The following AGPAT4 variants were observed in gnomAD, a reference collection of about 807,000 sequenced individuals.
AGPAT4 encodes 1-acylglycerol-3-phosphate O-acyltransferase 4.
AGPAT4 carries 15 observed loss-of-function variants against 48.0 expected under a neutral mutation model. The ratio of observed to expected loss-of-function variants is 0.31; its 90% CI spans 0.21 to 0.48. The LOEUF is 0.48. AGPAT4 is among the 20% of genes least tolerant of loss of function. The pLI is 0.99. For synonymous variants in AGPAT4, 178 were observed against 198.7 expected (o/e 0.90, Z 0.88); for missense variants, 314 against 482.5 (o/e 0.65, Z 3.27).
At chr6:161,173,704 T>A (rs1429117295) in intron 2 of AGPAT4, among the ~76,000 whole-genome samples, 5 of 152,200 alleles carry the variant, frequency 3.3e-5, no homozygotes, top group Non-Finnish European at 7.3e-5. Flanking sequence ...GGTGTTTTAG[T>A]CATGAAGTCC....
In AGPAT4 at chr6:161,272,944, G is replaced by GT. The variant is rs1255287693; in HGVS notation, c.-90+993dup. Among the ~76,000 whole-genome samples the GT allele has an allele frequency of 6.6e-6, 1 of 152,202 alleles. No homozygotes were observed. The highest frequency in any genetic ancestry group is 2.4e-5 in the African/African-American group (1 of 41,438). ...GGCAGTTAATTTGTTACTCATACTT[G>GT]TTGAACTTAAGATTTGGAGCTAAAT... is the stretch of plus-strand genomic sequence containing the variant. On this transcript the variant is annotated intron_variant, in intron 1 of 8. Transcript: ENST00000320285. The surrounding 1 kb of genome is among the most constrained non-coding windows in gnomAD (Gnocchi z 4.2).
At chr6:161,179,571 T>C (rs1401162844) in intron 2 of AGPAT4, among the ~76,000 whole-genome samples, 1 of 152,186 alleles carries the variant, frequency 6.6e-6, no homozygotes, top group African/African-American at 2.4e-5. Context: ...TCTACTACAT[T>C]TGACCTTTGA....
In AGPAT4 at chr6:161,195,024, T is replaced by A. The variant is rs1781035046; in HGVS notation, c.179-28607A>T. Among the ~76,000 whole-genome samples, 1 of 152,168 alleles carries A rather than the reference T, an allele frequency of 6.6e-6. No individual in the cohort carries two copies. The highest frequency in any genetic ancestry group is 2.4e-5 in the African/African-American group (1 of 41,408). On this transcript the variant is annotated intron_variant, in intron 2 of 8. Transcript: ENST00000320285. The surrounding 1 kb of genome is among the most constrained non-coding windows in gnomAD (Gnocchi z 5.0). Reference sequence around the variant, plus strand: ...CCCGGGAGAAGCTTTGGCCACCACCTTCCAAGTCCTTGCTTAATTTCTCAA... The same window carrying A: ...CCCGGGAGAAGCTTTGGCCACCACCATCCAAGTCCTTGCTTAATTTCTCAA...
chr6:161,226,176 C>A lies in AGPAT4; in HGVS notation c.178+5860G>T, dbSNP rs760167882. Among the ~76,000 whole-genome samples, 2 of 152,164 alleles carry A rather than the reference C, an allele frequency of 1.3e-5. No individual in the cohort carries two copies. The highest frequency in any genetic ancestry group is 6.5e-5 in the Admixed American group (1 of 15,284). The stretch of plus-strand genomic sequence containing the variant: ...GGTCCTGCCCAACTCCACATTTTGA[C>A]AGGCTCAAAGGCAGTGATATGAAGG... On this transcript the variant is annotated intron_variant, in intron 2 of 8. Transcript: ENST00000320285. This position sits in a 1 kb window ranked among gnomAD's most constrained non-coding sequence, Gnocchi z 6.3.
Position 161,165,894 on chromosome 6 carries a change from A to C in AGPAT4, c.348+354T>G. ...AGAAATATGGATGGGAGTGAAATCC[A>C]AATCTAATTACAGCTGTGTGACTCT... On this transcript the variant is annotated intron_variant, in intron 3 of 8. Coordinates refer to ENST00000320285, the MANE Select transcript of AGPAT4 (RefSeq NM_020133.3). The surrounding 1 kb of genome is among the most constrained non-coding windows in gnomAD (Gnocchi z 5.5). 1 of 599,740 alleles carries C rather than the reference A, an allele frequency of 1.7e-6. No homozygotes were observed. The highest frequency in any genetic ancestry group is 3.0e-6 in the Non-Finnish European group (1 of 337,526). The allele number at this position is 599,740 out of a possible 1,614,324, so 37.2% of individuals were successfully genotyped here.
In AGPAT4 at chr6:161,208,788, A is replaced by G. The variant is rs776348996; in HGVS notation, c.178+23248T>C. 2.0e-5 allele frequency among the ~76,000 whole-genome samples: 3 copies of G among 152,224 alleles called. No individual in the cohort carries two copies. Among genetic ancestry groups the G allele is most frequent in the Non-Finnish European group, 4.4e-5 (3 of 68,034 alleles). ...CAAGTATTTACATAAGGCACAATAA[A>G]ATTTGATTTGAAGTCTATCAATTCA... On this transcript the variant is annotated intron_variant, in intron 2 of 8. Transcript: ENST00000320285. The surrounding 1 kb of genome is among the most constrained non-coding windows in gnomAD (Gnocchi z 4.6).
rs1782147977 is a variant in AGPAT4, at chr6:161,232,480, C to T, written c.-89-178G>A. Among the ~76,000 whole-genome samples, 1 of 152,114 alleles carries T rather than the reference C, an allele frequency of 6.6e-6. No individual in the cohort carries two copies. The highest frequency in any genetic ancestry group is 2.1e-4 in the South Asian group (1 of 4,824). ...TACTTCCTGTCGAGCATAGTCTAAG[C>T]CCTTTAACAATAATCCTTCCTTTAA... On this transcript the variant is annotated intron_variant, in intron 1 of 8. Transcript: ENST00000320285. The surrounding 1 kb of genome is among the most constrained non-coding windows in gnomAD (Gnocchi z 6.8).
rs1197178957 is a variant in AGPAT4 at position 161,189,335 on chromosome 6, C to T, written c.179-22918G>A. Among the ~76,000 whole-genome samples, 4 of 152,052 alleles carry T rather than the reference C, an allele frequency of 2.6e-5. No individual in the cohort carries two copies. The highest frequency in any genetic ancestry group is 4.8e-5 in the African/African-American group (2 of 41,410). On this transcript the variant is annotated intron_variant, in intron 2 of 8. Coordinates refer to ENST00000320285, the MANE Select transcript of AGPAT4 (RefSeq NM_020133.3). This position sits in a 1 kb window ranked among gnomAD's most constrained non-coding sequence, Gnocchi z 5.3. Reference sequence around the variant, plus strand: ...AGACCAGCAGGGTGCCCTGAGGTCACAGCTCAGGTGATGGGTGGGGTCCAG... The same window carrying T: ...AGACCAGCAGGGTGCCCTGAGGTCATAGCTCAGGTGATGGGTGGGGTCCAG...
In AGPAT4 at chr6:161,161,376, T is replaced by C. The variant is rs1779930077; in HGVS notation, c.348+4872A>G. ...CGCCTGCTACCTCGGTCGTCACCAT[T>C]ATCGGGTTCCTCATCCATGTGATTC... On this transcript the variant is annotated intron_variant, in intron 3 of 8. Transcript: ENST00000320285. This position sits in a 1 kb window ranked among gnomAD's most constrained non-coding sequence, Gnocchi z 4.6. 2.2e-6 allele frequency: 1 copy of C among 456,588 alleles called. No individual in the cohort carries two copies. The highest frequency in any genetic ancestry group is 4.4e-6 in the Non-Finnish European group (1 of 226,968). The allele number at this position is 456,588 out of a possible 1,614,324, so 28.3% of individuals were successfully genotyped here. A position where few individuals can be genotyped will look rare whatever the true frequency, so the allele number is the denominator to read the frequency against.
At chr6:161,228,362 T>C (rs1183310523) in intron 2 of AGPAT4, among the ~76,000 whole-genome samples, 2 of 152,202 alleles carry the variant, frequency 1.3e-5, no homozygotes, top group African/African-American at 4.8e-5. Flanking sequence ...TGTGTAGCTG[T>C]GCATCCAACA....
At position 161,196,065 on chromosome 6, in the gene AGPAT4, G is replaced by A. The variant is rs143685092; in HGVS notation, c.179-29648C>T. Reference sequence around the variant, plus strand: ...CTTTAGGATTTGCATAACTTAATGAGGCTTAATGACCCACCATCCCAAGAC... The same window carrying A: ...CTTTAGGATTTGCATAACTTAATGAAGCTTAATGACCCACCATCCCAAGAC... On this transcript the variant is annotated intron_variant, in intron 2 of 8. Transcript: ENST00000320285. This position sits in a 1 kb window ranked among gnomAD's most constrained non-coding sequence, Gnocchi z 4.3. Among the ~76,000 whole-genome samples the A allele has an allele frequency of 1.3e-3, 198 of 152,212 alleles. 1 individual carries two copies. In the East Asian group the frequency reaches 0.027, roughly 21 times the overall value.
rs1393974659 is a variant in AGPAT4 at position 161,196,523 on chromosome 6, A to T, written c.179-30106T>A. On this transcript the variant is annotated intron_variant, in intron 2 of 8. Coordinates refer to ENST00000320285, the MANE Select transcript of AGPAT4 (RefSeq NM_020133.3). This position sits in a 1 kb window ranked among gnomAD's most constrained non-coding sequence, Gnocchi z 4.3. ...ATCTAATGTGTTAAGAAGCAAGGAGAGGGTCACGCGTGGTGACTCAATGCC... is the reference window on the plus strand; with the variant it reads ...ATCTAATGTGTTAAGAAGCAAGGAGTGGGTCACGCGTGGTGACTCAATGCC... 2.0e-5 allele frequency among the ~76,000 whole-genome samples: 3 copies of T among 151,984 alleles called. No homozygotes were observed. Among genetic ancestry groups the T allele is most frequent in the Non-Finnish European group, 4.4e-5 (3 of 67,978 alleles).
rs1403811133 is a variant in AGPAT4 at position 161,261,559 on chromosome 6, G to A, written c.-90+12379C>T. 6.6e-6 allele frequency among the ~76,000 whole-genome samples: 1 copy of A among 152,208 alleles called. No individual in the cohort carries two copies. The highest frequency in any genetic ancestry group is 2.4e-5 in the African/African-American group (1 of 41,442). On this transcript the variant is annotated intron_variant, in intron 1 of 8. Transcript: ENST00000320285. This position sits in a 1 kb window ranked among gnomAD's most constrained non-coding sequence, Gnocchi z 5.3. Reference sequence around the variant, plus strand: ...TCATGATGGGACCTGTCAGAGGGACGTAGCTGCTACCCTGAGACCGGGTAA... The same window carrying A: ...TCATGATGGGACCTGTCAGAGGGACATAGCTGCTACCCTGAGACCGGGTAA...
chr6:161,273,828 G>A (rs962744135), intron 1 of AGPAT4, 110 bp downstream of exon 1: 2 of 121,948 alleles, frequency 1.6e-5, no homozygotes, highest in African/African-American at 6.5e-5. Context: ...CCCTTCCAGA[G>A]GTCCTAAGGA....
chr6:161,244,530 T>C lies in AGPAT4; in HGVS notation c.-89-12228A>G, dbSNP rs1250295738. 6.6e-6 allele frequency among the ~76,000 whole-genome samples: 1 copy of C among 152,160 alleles called. No individual in the cohort carries two copies. On this transcript the variant is annotated intron_variant, in intron 1 of 8. Coordinates refer to ENST00000320285, the MANE Select transcript of AGPAT4 (RefSeq NM_020133.3). This position sits in a 1 kb window ranked among gnomAD's most constrained non-coding sequence, Gnocchi z 4.7. Reference sequence around the variant, plus strand: ...GGGGAAAGGGTTACAAGCGTAATCTTTTCAGTATTTCAGCACTCTACAACC... The same window carrying C: ...GGGGAAAGGGTTACAAGCGTAATCTCTTCAGTATTTCAGCACTCTACAACC...
At chr6:161,185,685 T>C (rs2064720) in intron 2 of AGPAT4, among the ~76,000 whole-genome samples, 39,031 of 152,098 alleles carry the variant, frequency 0.26, 6,217 homozygotes, top group South Asian at 0.38. Flanking sequence ...ACAAGTTGCC[T>C]CTTCCACAGA....
At chr6:161,205,694 T>TGAGGGGAAATCAATTCTAA (rs1562337623) in intron 2 of AGPAT4, among the ~76,000 whole-genome samples, 1 of 151,704 alleles carries the variant, frequency 6.6e-6, no homozygotes, top group Non-Finnish European at 1.5e-5. Flanking sequence ...AACACCAAGT[T>TGAGGGGAAATCAATTCTAA]GAAACAGATC....
Position 161,155,212 on chromosome 6 carries a change from C to T in AGPAT4, c.349-902G>A, listed in dbSNP as rs571002219. ...CGTCCACTACATCAGTCCCCCTACA[C>T]TGAGGAAGACCAGGGCTTCAGTGGG... On this transcript the variant is annotated intron_variant, in intron 3 of 8. Transcript: ENST00000320285. This position sits in a 1 kb window ranked among gnomAD's most constrained non-coding sequence, Gnocchi z 5.8. 6.6e-6 allele frequency among the ~76,000 whole-genome samples: 1 copy of T among 152,332 alleles called. No homozygotes were observed. The highest frequency in any genetic ancestry group is 1.9e-4 in the East Asian group (1 of 5,188).
At position 161,177,611 on chromosome 6, in the gene AGPAT4, A is replaced by G. The variant is rs186311881; in HGVS notation, c.179-11194T>C. Among the ~76,000 whole-genome samples, 37 of 152,182 alleles carry G rather than the reference A, an allele frequency of 2.4e-4. No individual in the cohort carries two copies. The highest frequency in any genetic ancestry group is 8.7e-4 in the African/African-American group (36 of 41,524). On this transcript the variant is annotated intron_variant, in intron 2 of 8. Coordinates refer to ENST00000320285, the MANE Select transcript of AGPAT4 (RefSeq NM_020133.3). This position sits in a 1 kb window ranked among gnomAD's most constrained non-coding sequence, Gnocchi z 5.0. ...CAAACATCCTCCTTTAGCTCGGAGA[A>G]GTTTGTTATTACTGATCGTCTGAAG...
Sources: gnomAD v4.1 joint callset for allele counts (sites outside exome capture counted in the v4.1 genomes callset) on GRCh38, gnomAD v4.1.1 for gene constraint, Gnocchi (gnomAD v3.1) non-coding constraint, MANE v1.5 for transcripts, NCBI Gene and HGNC (gene_info 2026-07-23, HGNC 2026-07-21) for gene names.